Variants in PTPRM observed in about 807,000 individuals in gnomAD.
The protein encoded by PTPRM is receptor-type tyrosine-protein phosphatase mu.
In PTPRM, 47 loss-of-function variants were observed where a neutral mutation model predicts 186.7. The ratio of observed to expected loss-of-function variants is 0.25; its 90% CI spans 0.20 to 0.32. The LOEUF is 0.32. Ranked by LOEUF, PTPRM falls within the 10% of genes least tolerant of loss-of-function variation. The pLI is 1.00. For missense variants in PTPRM, 1,494 were observed against 1,865.0 expected (o/e 0.80, Z 3.66); for synonymous variants, 668 against 674.9 (o/e 0.99, Z 0.16).
At chr18:8,061,575 T>G (rs2088516570) in intron 7 of PTPRM, among the ~76,000 whole-genome samples, 1 of 96,144 alleles carries the variant, frequency 1.0e-5, no homozygotes, top group African/African-American at 4.5e-5. Flanking sequence ...CATTTTGGCA[T>G]GATTTTGCAG....
At chr18:8,131,023 G>T (rs1416082282) in intron 13 of PTPRM, among the ~76,000 whole-genome samples, 1 of 152,180 alleles carries the variant, frequency 6.6e-6, no homozygotes, top group Non-Finnish European at 1.5e-5. Flanking sequence ...TTCTCATGTG[G>T]CTTTGTTGTT....
At chr18:7,900,553 G>A (rs2049611962) in intron 3 of PTPRM, among the ~76,000 whole-genome samples, 1 of 152,280 alleles carries the variant, frequency 6.6e-6, no homozygotes, top group Non-Finnish European at 1.5e-5. Context: ...AGGTGTGTGT[G>A]TGTGTGTGTA....
intron 14 of PTPRM, among the ~76,000 whole-genome samples, chr18:8,234,430 G>T (rs12456999): frequency 0.4 from 60,669 of 151,914 alleles, 12,488 homozygotes; most frequent in Middle Eastern, 0.55. Flanking sequence ...ATATTAACCT[G>T]GTATCCTGCA....
At chr18:8,370,832 G>A in intron 23 of PTPRM, 58 bp from the exon 24 acceptor site, 1 of 1,014,372 alleles carries the variant, frequency 9.9e-7, no homozygotes, top group Non-Finnish European at 1.5e-6. Flanking sequence ...ACCCATCATG[G>A]GAGGAACTCC....
Position 8,380,384 on chromosome 18 carries a change from A to G in PTPRM, c.3875A>G (p.His1292Arg). The G allele has an allele frequency of 1.2e-6, 2 of 1,614,234 alleles. No individual in the cohort carries two copies. Among genetic ancestry groups the G allele is most frequent in the Non-Finnish European group, 1.7e-6 (2 of 1,180,044 alleles). The change falls in exon 29 of 33, where the codon CAC (histidine) becomes CGC (arginine). Residue 1292 changes from histidine to arginine, a missense_variant. Coordinates refer to ENST00000580170, the MANE Select transcript of PTPRM (RefSeq NM_001105244.2). Reference sequence around the variant, plus strand: ...TTTTGGAGACTGGTCCTGGATTATCACTGCACATCCGTAGTTATGCTAAAT... The same window carrying G: ...TTTTGGAGACTGGTCCTGGATTATCGCTGCACATCCGTAGTTATGCTAAAT... ...KDFWRLVLDY[H>R]CTSVVMLNDV...
chr18:8,234,095 C>G (rs2094317723), intron 14 of PTPRM, among the ~76,000 whole-genome samples: 1 of 152,120 alleles, frequency 6.6e-6, no homozygotes, highest in Middle Eastern at 3.2e-3. Flanking sequence ...ATTGTGTTGG[C>G]TATTCTGGGT....
At position 7,567,800 on chromosome 18, in the gene PTPRM, C is replaced by G; in HGVS notation, c.-19C>G. The G allele has an allele frequency of 6.6e-7, 1 of 1,523,532 alleles. No homozygotes were observed. The allele number at this position is 1,523,532 out of a possible 1,614,324, so 94.4% of individuals were successfully genotyped here. A position where few individuals can be genotyped will look rare whatever the true frequency, so the allele number is the denominator to read the frequency against. ...CCACCCACCGCCGCCGGGGAGCGGCCCGGCCCGCACTCAGCACCATGAGGG... is the reference window on the plus strand; with the variant it reads ...CCACCCACCGCCGCCGGGGAGCGGCGCGGCCCGCACTCAGCACCATGAGGG... On this transcript the variant is annotated 5_prime_UTR_variant, in exon 1 of 33. Coordinates refer to ENST00000580170, the MANE Select transcript of PTPRM (RefSeq NM_001105244.2). The surrounding 1 kb of genome is among the most constrained non-coding windows in gnomAD (Gnocchi z 4.3).
At chr18:8,201,201 A>AG (rs2093850876) in intron 14 of PTPRM, among the ~76,000 whole-genome samples, 1 of 152,190 alleles carries the variant, frequency 6.6e-6, no homozygotes, top group South Asian at 2.1e-4. Context: ...CTGTAGCCCC[A>AG]GCTACTCGGG....
intron 14 of PTPRM, among the ~76,000 whole-genome samples, chr18:8,213,282 C>T (rs1288121731): frequency 6.6e-6 from 1 of 152,166 alleles, no homozygotes; most frequent in African/African-American, 2.4e-5. Context: ...CTTGGCATTG[C>T]AGAGGAGAAC....
intron 1 of PTPRM, among the ~76,000 whole-genome samples, chr18:7,585,828 A>G (rs988592117): frequency 3.9e-5 from 6 of 152,186 alleles, no homozygotes; most frequent in Non-Finnish European, 7.3e-5. Flanking sequence ...CATAGAGTGA[A>G]TTGGTAAGTG....
At chr18:7,621,022 G>GTAAA (rs967415615) in intron 1 of PTPRM, among the ~76,000 whole-genome samples, 38 of 152,018 alleles carry the variant, frequency 2.5e-4, no homozygotes, top group African/African-American at 7.5e-4. Flanking sequence ...TGTCTACTAA[G>GTAAA]TAAATAAATA....
chr18:8,370,814 A>T (rs2148455436), intron 23 of PTPRM, 76 bp from the exon 24 acceptor site: 1 of 793,794 alleles, frequency 1.3e-6, no homozygotes, highest in East Asian at 2.6e-5. Flanking sequence ...CCTATAAATC[A>T]TAGTGTGACC....
chr18:8,195,419 T>C (rs1166224247), intron 14 of PTPRM, among the ~76,000 whole-genome samples: 1 of 152,008 alleles, frequency 6.6e-6, no homozygotes, highest in Admixed American at 6.6e-5. Context: ...AAATATAAAA[T>C]CCTATTACTA....
intron 1 of PTPRM, among the ~76,000 whole-genome samples, chr18:7,712,474 A>T (rs1419042465): frequency 6.6e-6 from 1 of 152,110 alleles, no homozygotes; most frequent in Non-Finnish European, 1.5e-5. Flanking sequence ...TCAAAGGATC[A>T]CAACTCCTTA....
At chr18:8,326,654 T>A (rs1421218838) in intron 22 of PTPRM, among the ~76,000 whole-genome samples, 1 of 152,106 alleles carries the variant, frequency 6.6e-6, no homozygotes, top group Non-Finnish European at 1.5e-5. Flanking sequence ...ATCTGACCTT[T>A]GCAAAGTTGA....
chr18:7,735,732 A>C (rs1020204204), intron 1 of PTPRM, among the ~76,000 whole-genome samples: 4 of 152,170 alleles, frequency 2.6e-5, no homozygotes, highest in African/African-American at 9.7e-5. Context: ...TCAAGGTCTT[A>C]AAAGAGGCAT....
At chr18:7,983,004 C>T (rs2082641083) in intron 7 of PTPRM, among the ~76,000 whole-genome samples, 1 of 152,124 alleles carries the variant, frequency 6.6e-6, no homozygotes, top group Admixed American at 6.5e-5. Flanking sequence ...TTCTGGCATT[C>T]TCTTCCCTAT....
chr18:8,309,970 A>G (rs2095255703), intron 20 of PTPRM, among the ~76,000 whole-genome samples: 1 of 152,172 alleles, frequency 6.6e-6, no homozygotes, highest in Admixed American at 6.5e-5. Flanking sequence ...CCATATCTCT[A>G]TTCAGATGGT....
At chr18:8,238,651 GTTTTTTTTTTTTTTTTTT>G (rs71165776) in intron 14 of PTPRM, among the ~76,000 whole-genome samples, 1 of 25,758 alleles carries the variant, frequency 3.9e-5, no homozygotes, top group Non-Finnish European at 6.8e-5. Context: ...TGTTTTGTGT[GTTTTTTTTTTTTTTTTTT>G]TTTTTTTTTT....
Sources: allele counts gnomAD v4.1 joint callset (sites outside exome capture counted in the v4.1 genomes callset), GRCh38; gene constraint gnomAD v4.1.1; non-coding constraint Gnocchi (gnomAD v3.1); transcripts MANE v1.5; gene names NCBI Gene and HGNC (gene_info 2026-07-23, HGNC 2026-07-21).